BOC: variants seen among roughly 807,000 people sequenced by gnomAD.
BOC encodes BOC cell adhesion associated, oncogene regulated, also known as brother of CDO.
A neutral mutation model predicts 112.0 loss-of-function variants in BOC; 76 were observed. That is an observed-to-expected ratio of 0.68 (90% CI 0.56 to 0.82). The LOEUF is 0.82. Ranked by LOEUF, BOC falls within the 40% of genes least tolerant of loss-of-function variation. The pLI is 0.00. For synonymous variants in BOC, 580 were observed against 599.8 expected (o/e 0.97, Z 0.48); for missense variants, 1,309 against 1,511.7 (o/e 0.87, Z 2.22).
In BOC at chr3:113,284,578, C is replaced by G; in HGVS notation, c.2889+11C>G. ...GGCGAGCTTCAGCAGGTAGCGCATT[C>G]TTGGGTGTGGGCGGCAGGTATGGGA... On this transcript the variant is annotated intron_variant, in intron 17 of 19. Transcript: ENST00000682979. 6.2e-7 allele frequency: 1 copy of G among 1,606,592 alleles called. No homozygotes were observed. Among genetic ancestry groups the G allele is most frequent in the Non-Finnish European group, 8.5e-7 (1 of 1,176,546 alleles).
At chr3:113,263,528 T>C (rs1265863331) in intron 4 of BOC, among the ~76,000 whole-genome samples, 1 of 152,180 alleles carries the variant, frequency 6.6e-6, no homozygotes, top group Non-Finnish European at 1.5e-5. Context: ...CAGGAGAAGA[T>C]TGAATGAATA....
intron 15 of BOC, among the ~76,000 whole-genome samples, 199 bp from the exon 16 acceptor site, chr3:113,283,212 G>A (rs1413436930): frequency 3.3e-5 from 5 of 152,124 alleles, no homozygotes; most frequent in Admixed American, 6.5e-5. Flanking sequence ...TCAGGTCTCC[G>A]CCACAACACC....
chr3:113,264,905 G>T (rs1947300804), intron 4 of BOC, among the ~76,000 whole-genome samples: 1 of 152,226 alleles, frequency 6.6e-6, no homozygotes, highest in African/African-American at 2.4e-5. Context: ...TCGCCTGCCA[G>T]TCGCCCCTTG....
Position 113,278,454 on chromosome 3 carries a change from C to T in BOC, c.1705+197C>T, listed in dbSNP as rs1326949221. 6.6e-6 allele frequency among the ~76,000 whole-genome samples: 1 copy of T among 152,104 alleles called. No individual in the cohort carries two copies. Among genetic ancestry groups the T allele is most frequent in the East Asian group, 1.9e-4 (1 of 5,180 alleles). On this transcript the variant is annotated intron_variant, in intron 10 of 19. Transcript: ENST00000682979. The surrounding 1 kb of genome is among the most constrained non-coding windows in gnomAD (Gnocchi z 4.2). ...CATCAGGAGAGTAGCCAGCCGGCCTCTCTGGCACCCCTTCATCCCTCTCTC... is the reference window on the plus strand; with the variant it reads ...CATCAGGAGAGTAGCCAGCCGGCCTTTCTGGCACCCCTTCATCCCTCTCTC...
At chr3:113,267,715 G>A (rs1947642424) in intron 4 of BOC, among the ~76,000 whole-genome samples, 1 of 152,204 alleles carries the variant, frequency 6.6e-6, no homozygotes, top group South Asian at 2.1e-4. Context: ...GATGCCTAAG[G>A]AGAACCTGGG....
intron 2 of BOC, among the ~76,000 whole-genome samples, chr3:113,245,793 C>G (rs1057437082): frequency 1.3e-5 from 2 of 152,252 alleles, no homozygotes; most frequent in Admixed American, 6.5e-5. Flanking sequence ...ACATCACACT[C>G]TCTCCTATTC....
rs1228845176 is a variant in BOC, at chr3:113,278,255, C to T, written c.1703C>T (p.Thr568Ile). 1.2e-6 allele frequency: 2 copies of T among 1,614,164 alleles called. No individual in the cohort carries two copies. Among genetic ancestry groups the T allele is most frequent in the African/African-American group, 1.3e-5 (1 of 75,056 alleles). Residue 568 changes from threonine to isoleucine, a missense_variant and splice_region_variant, in exon 10 of 20, where the codon ACT becomes ATT. Transcript: ENST00000682979. The surrounding 1 kb of genome is among the most constrained non-coding windows in gnomAD (Gnocchi z 4.2). ...EGQTAMVTFR[T>I]GRRPKPEIMA... is the part of the protein sequence containing the mutation. The stretch of plus-strand genomic sequence containing the variant: ...CAGACAGCCATGGTCACCTTCCGAA[C>T]TGGTGAGAGTCAAACATTGCCCCTT...
At chr3:113,284,990 T>G in intron 18 of BOC, 132 bp downstream of exon 18, 5 of 769,830 alleles carry the variant, frequency 6.5e-6, no homozygotes, top group Non-Finnish European at 8.7e-6. Context: ...CTGACAATCA[T>G]GCTCCTCTGA....
intron 9 of BOC, among the ~76,000 whole-genome samples, chr3:113,277,543 A>C (rs1187809652): frequency 6.6e-6 from 1 of 152,208 alleles, no homozygotes. Flanking sequence ...CTATTTGTGA[A>C]GTGGAAACAA....
chr3:113,232,875 T>C (rs1468364800), intron 2 of BOC, among the ~76,000 whole-genome samples: 1 of 152,194 alleles, frequency 6.6e-6, no homozygotes, highest in African/African-American at 2.4e-5. Context: ...TGTGATCTGT[T>C]TTTCCTTCAG....
In BOC at chr3:113,264,227, C is replaced by T. The variant is rs766692929; in HGVS notation, c.377-4072C>T. On this transcript the variant is annotated intron_variant, in intron 4 of 19. Coordinates refer to ENST00000682979, the MANE Select transcript of BOC (RefSeq NM_001378074.1). ...TGAGAAACAAAAGTGGGTCTACTAGCGTTTGATTAATGCGGACAAGTTAAT... is the reference window on the plus strand; with the variant it reads ...TGAGAAACAAAAGTGGGTCTACTAGTGTTTGATTAATGCGGACAAGTTAAT... Among the ~76,000 whole-genome samples, 6 of 152,110 alleles carry T rather than the reference C, an allele frequency of 3.9e-5. No individual in the cohort carries two copies. In the East Asian group the frequency reaches 5.8e-4, roughly 15 times the overall value.
At position 113,215,392 on chromosome 3, in the gene BOC, G is replaced by A. The variant is rs554222555; in HGVS notation, c.-169-795G>A. Among the ~76,000 whole-genome samples the A allele has an allele frequency of 2.3e-4, 35 of 152,186 alleles. 2 individuals carry two copies. Among genetic ancestry groups the A allele is most frequent in the Non-Finnish European group, 4.4e-5 (3 of 68,040 alleles). ...CCTTTAGGAGGGTTAGGAAACTGGG[G>A]TTGGAATCTAAGCTCTGCCTGTGAA... On this transcript the variant is annotated intron_variant, in intron 1 of 19. Coordinates refer to ENST00000682979, the MANE Select transcript of BOC (RefSeq NM_001378074.1).
chr3:113,232,466 G>A (rs895627989), intron 2 of BOC, among the ~76,000 whole-genome samples: 14 of 152,234 alleles, frequency 9.2e-5, no homozygotes, highest in African/African-American at 2.9e-4. Context: ...AGGTGGCAAA[G>A]AAAGTGAGTT....
intron 2 of BOC, among the ~76,000 whole-genome samples, chr3:113,245,686 G>A (rs1275733997): frequency 6.6e-6 from 1 of 152,140 alleles, no homozygotes; most frequent in Non-Finnish European, 1.5e-5. Context: ...TTTTCATGTA[G>A]CTAGTCCCTC....
At chr3:113,254,452 C>T (rs778337864) in intron 4 of BOC, among the ~76,000 whole-genome samples, 117 of 152,208 alleles carry the variant, frequency 7.7e-4, no homozygotes, top group Non-Finnish European at 1.5e-3. Context: ...GGGTTAATGC[C>T]ATTAGGGGAT....
chr3:113,256,225 T>C (rs17320242), intron 4 of BOC, among the ~76,000 whole-genome samples: 4,903 of 152,258 alleles, frequency 0.032, 148 homozygotes, highest in East Asian at 0.084. Context: ...GAGTGACCCT[T>C]AGGAAGACAG....
intron 6 of BOC, chr3:113,271,369 T>G (rs1424528995): frequency 1.6e-5 from 6 of 383,612 alleles, no homozygotes; most frequent in Non-Finnish European, 3.1e-5. Flanking sequence ...CTGCACTCTC[T>G]GCACTGATGA....
intron 2 of BOC, among the ~76,000 whole-genome samples, chr3:113,221,148 T>C (rs1301223431): frequency 6.6e-6 from 1 of 152,296 alleles, no homozygotes; most frequent in East Asian, 1.9e-4. Context: ...TTTCTTAGGG[T>C]TATTGCAAAG....
rs528530701 is a variant in BOC at position 113,250,604 on chromosome 3, C to T, written c.147C>T (p.Pro49=). The T allele has an allele frequency of 3.6e-5, 58 of 1,614,132 alleles. No individual in the cohort carries two copies. Among genetic ancestry groups the T allele is most frequent in the South Asian group, 9.9e-5 (9 of 91,068 alleles). The change falls in exon 4 of 20, where the codon CCC becomes CCT. Residue 49 remains proline (P), a synonymous_variant. Transcript: ENST00000682979. ...TVQPASTVQK[P]GGTVILGCVV... ...AGCCTGCGTCCACCGTCCAGAAGCC[C>T]GGAGGCACTGTGATCTTGGGCTGCG...
Sources: gnomAD v4.1 joint callset for allele counts (sites outside exome capture counted in the v4.1 genomes callset) on GRCh38, gnomAD v4.1.1 for gene constraint, Gnocchi (gnomAD v3.1) non-coding constraint, MANE v1.5 for transcripts, NCBI Gene and HGNC (gene_info 2026-07-23, HGNC 2026-07-21) for gene names.